Variants in ERC1 observed in about 807,000 individuals in gnomAD.
ERC1 encodes ELKS/RAB6-interacting/CAST family member 1, also known as RAB6 interacting protein 2.
A neutral mutation model predicts 132.0 loss-of-function variants in ERC1; 56 were observed. The observed-to-expected ratio is 0.42, with a 90% CI of 0.34 to 0.53. ERC1 has a LOEUF of 0.53. Ranked by LOEUF, ERC1 falls within the 20% of genes least tolerant of loss-of-function variation. The pLI is 0.03. For missense variants in ERC1, 1,202 were observed against 1,349.9 expected, an observed-to-expected ratio of 0.89 and a Z score of 1.72; for synonymous variants, 478 against 476.1, an observed-to-expected ratio of 1.00 and a Z score of -0.05.
chr12:1,425,207 G>C lies in ERC1; in HGVS notation c.3024+16960G>C, dbSNP rs138828453. ...AACTATCTGCTTCCTGGAACATAAA[G>C]CACATACATAATTTTAGTAGGCACT... On this transcript the variant is annotated intron_variant, in intron 17 of 18. Transcript: ENST00000360905. Among the ~76,000 whole-genome samples, 56 of 152,260 alleles carry C rather than the reference G, an allele frequency of 3.7e-4. 1 individual carries two copies. The highest frequency in any genetic ancestry group is 2.5e-3 in the South Asian group (12 of 4,824).
chr12:1,415,418 C>T (rs957016941), intron 17 of ERC1, among the ~76,000 whole-genome samples: 1 of 152,220 alleles, frequency 6.6e-6, no homozygotes, highest in African/African-American at 2.4e-5. Flanking sequence ...CTAGACTTTT[C>T]TTTTTCATTA....
At chr12:1,022,979 T>C (rs967133985) in intron 1 of ERC1, among the ~76,000 whole-genome samples, 18 of 152,154 alleles carry the variant, frequency 1.2e-4, no homozygotes, top group African/African-American at 4.1e-4. Flanking sequence ...CCTGCCGCCA[T>C]GTGAAGAAGG....
rs766293084 is a variant in ERC1, at chr12:1,182,046, G to A, written c.1997G>A (p.Gly666Asp). Residue 666 changes from glycine (G) to aspartate (D), a missense_variant, in exon 10 of 19, where the codon GGC becomes GAC. Transcript: ENST00000360905. The part of the protein sequence containing the change: ...DLKEKVSLLQ[G>D]DLSEKEASLL... ...AAGGAAAAAGTCAGCCTGTTGCAAG[G>A]CGACCTTTCAGAGAAAGAGGTTAAG... The A allele has an allele frequency of 3.7e-6, 6 of 1,613,774 alleles. No individual in the cohort carries two copies. In the East Asian group the frequency reaches 1.3e-4, roughly 36 times the overall value.
At chr12:1,094,977 A>G (rs544522763) in intron 3 of ERC1, among the ~76,000 whole-genome samples, 2 of 152,246 alleles carry the variant, frequency 1.3e-5, no homozygotes, top group East Asian at 1.9e-4. Flanking sequence ...TGGAGCTTCT[A>G]TCCTTGAACC....
At chr12:1,347,532 A>G (rs539757398) in intron 15 of ERC1, among the ~76,000 whole-genome samples, 17 of 152,334 alleles carry the variant, frequency 1.1e-4, no homozygotes, top group African/African-American at 4.1e-4. Context: ...TAATTTCTAT[A>G]TAGAGAAAAT....
chr12:1,099,535 G>A (rs528780992), intron 3 of ERC1, among the ~76,000 whole-genome samples: 211 of 152,206 alleles, frequency 1.4e-3, no homozygotes, highest in African/African-American at 4.9e-3. Flanking sequence ...CTCTCTTACA[G>A]TATTGTGGAT....
chr12:1,187,715 G>C (rs1025662555), intron 11 of ERC1, among the ~76,000 whole-genome samples: 14 of 152,138 alleles, frequency 9.2e-5, no homozygotes, highest in African/African-American at 3.4e-4. Flanking sequence ...CTAGCACACT[G>C]CTTTTGCATA....
intron 3 of ERC1, among the ~76,000 whole-genome samples, chr12:1,091,404 T>G: frequency 6.6e-6 from 1 of 152,158 alleles, no homozygotes; most frequent in East Asian, 1.9e-4. Flanking sequence ...TAAAATAATT[T>G]CATGAAGAAG....
At position 1,141,682 on chromosome 12, in the gene ERC1, A is replaced by G. The variant is rs2154249092; in HGVS notation, c.1632A>G (p.Gln544=). ...CCATGTTGAATAAAAAGACAAAACAAATTCAGGATATGGCTGAAGAGAAGG... is the reference window on the plus strand; with the variant it reads ...CCATGTTGAATAAAAAGACAAAACAGATTCAGGATATGGCTGAAGAGAAGG... ...KETMLNKKTK[Q]IQDMAEEKGT... The change falls in exon 8 of 19, where the codon CAA becomes CAG. Residue 544 remains glutamine (Q), a synonymous_variant. Coordinates refer to ENST00000360905, the MANE Select transcript of ERC1 (RefSeq NM_178040.4). The G allele has an allele frequency of 5.0e-6, 8 of 1,613,646 alleles. No individual in the cohort carries two copies. The East Asian group carries it at 1.8e-4, about 36-fold the overall frequency.
intron 15 of ERC1, among the ~76,000 whole-genome samples, chr12:1,309,484 T>A (rs2081127784): frequency 6.6e-6 from 1 of 152,142 alleles, no homozygotes; most frequent in South Asian, 2.1e-4. Context: ...GGGAAGTGAG[T>A]AAATCATATA....
intron 15 of ERC1, among the ~76,000 whole-genome samples, chr12:1,334,991 C>T (rs550727849): frequency 5.9e-5 from 9 of 152,152 alleles, no homozygotes; most frequent in South Asian, 2.1e-4. Flanking sequence ...TTTTCAGGCA[C>T]GTGTAAATGG....
intron 7 of ERC1, among the ~76,000 whole-genome samples, chr12:1,130,947 T>C (rs1236699456): frequency 6.6e-6 from 1 of 152,160 alleles, no homozygotes; most frequent in Non-Finnish European, 1.5e-5. Context: ...TTTCTCAGCT[T>C]TAAAGTTGGG....
chr12:1,330,225 T>C (rs2082761566), intron 15 of ERC1, among the ~76,000 whole-genome samples: 2 of 152,180 alleles, frequency 1.3e-5, no homozygotes, highest in Admixed American at 1.3e-4. Flanking sequence ...CAACAACACA[T>C]CTACCTTTTC....
At chr12:1,084,429 T>A (rs1171146512) in intron 3 of ERC1, among the ~76,000 whole-genome samples, 7 of 152,200 alleles carry the variant, frequency 4.6e-5, no homozygotes, top group Admixed American at 3.3e-4. Flanking sequence ...TAATAATTTT[T>A]AAAAATACTT....
At chr12:1,312,186 C>G (rs972904789) in intron 15 of ERC1, among the ~76,000 whole-genome samples, 3 of 152,070 alleles carry the variant, frequency 2.0e-5, no homozygotes, top group African/African-American at 7.3e-5. Context: ...ATCACATACC[C>G]CATATTGACT....
At chr12:1,477,010 G>A (rs1382237015) in intron 18 of ERC1, among the ~76,000 whole-genome samples, 1 of 152,156 alleles carries the variant, frequency 6.6e-6, no homozygotes, top group Non-Finnish European at 1.5e-5. Context: ...TGAACAGTAT[G>A]ATTTGATGTG....
intron 2 of ERC1, among the ~76,000 whole-genome samples, chr12:1,042,654 T>A (rs1430954537): frequency 6.6e-6 from 1 of 152,140 alleles, no homozygotes; most frequent in Non-Finnish European, 1.5e-5. Flanking sequence ...TTTTAATTTT[T>A]TTTTTTTTAA....
intron 1 of ERC1, among the ~76,000 whole-genome samples, chr12:1,025,155 A>G (rs1966843818): frequency 6.6e-6 from 1 of 152,122 alleles, no homozygotes; most frequent in Non-Finnish European, 1.5e-5. Flanking sequence ...TGGTTTTAAA[A>G]TTTGTTTTAG....
At chr12:1,414,292 G>A (rs987214151) in intron 17 of ERC1, among the ~76,000 whole-genome samples, 2 of 152,202 alleles carry the variant, frequency 1.3e-5, no homozygotes, top group Admixed American at 6.5e-5. Flanking sequence ...CAGATGTTTG[G>A]TGAGGACCCT....
Sources: gnomAD v4.1 joint callset for allele counts (sites outside exome capture counted in the v4.1 genomes callset) on GRCh38, gnomAD v4.1.1 for gene constraint, MANE v1.5 for transcripts, NCBI Gene and HGNC (gene_info 2026-07-23, HGNC 2026-07-21) for gene names.